Variants in CSMD1 observed in about 807,000 individuals in gnomAD.
CSMD1 encodes the protein CUB and Sushi multiple domains 1.
A neutral mutation model predicts 417.5 loss-of-function variants in CSMD1; 213 were observed. That is an observed-to-expected ratio of 0.51 (90% CI 0.46 to 0.57). CSMD1 has a LOEUF of 0.57. CSMD1 is among the 20% of genes least tolerant of loss of function. CSMD1 has a pLI of 0.00. For missense variants in CSMD1, 6,923 were observed against 4,529.7 expected (o/e 1.53, Z -15.17); for synonymous variants, 2,862 against 1,736.8 (o/e 1.65, Z -16.11).
Position 4,718,674 on chromosome 8 carries a change from C to G in CSMD1, c.86-81116G>C, listed in dbSNP as rs546215598. ...CAATTTTTAAAAAATCTATTTTAAA[C>G]TAAGAAAGAATTCAATAGGTGACAG... On this transcript the variant is annotated intron_variant, in intron 1 of 69. Coordinates refer to ENST00000635120, the MANE Select transcript of CSMD1 (RefSeq NM_033225.6). Among the ~76,000 whole-genome samples the G allele has an allele frequency of 4.6e-5, 7 of 151,860 alleles. No homozygotes were observed. In the South Asian group the frequency reaches 1.5e-3, roughly 32 times the overall value.
chr8:3,503,131 A>C, intron 10 of CSMD1, among the ~76,000 whole-genome samples: 1 of 152,228 alleles, frequency 6.6e-6, no homozygotes, highest in Non-Finnish European at 1.5e-5. Context: ...AGCCCACAGT[A>C]TACAGTGTGA....
intron 26 of CSMD1, among the ~76,000 whole-genome samples, chr8:3,252,336 T>C (rs556196781): frequency 2.0e-5 from 3 of 152,346 alleles, no homozygotes; most frequent in East Asian, 3.9e-4. Context: ...GTTTTTGTCT[T>C]TGGTTCTGTT....
intron 3 of CSMD1, among the ~76,000 whole-genome samples, chr8:4,102,574 G>T (rs558570106): frequency 1.8e-4 from 27 of 152,192 alleles, no homozygotes; most frequent in African/African-American, 6.5e-4. Flanking sequence ...TGACTCCCAG[G>T]CTGAAATAAT....
intron 3 of CSMD1, among the ~76,000 whole-genome samples, chr8:4,049,177 T>A (rs894411506): frequency 6.6e-6 from 1 of 152,032 alleles, no homozygotes; most frequent in Non-Finnish European, 1.5e-5. Context: ...CATCAAAGAG[T>A]CTATCTTAGG....
Position 4,513,106 on chromosome 8 carries a change from A to G in CSMD1, c.303-93041T>C, listed in dbSNP as rs138623781. On this transcript the variant is annotated intron_variant, in intron 2 of 69. Transcript: ENST00000635120. ...ATTGAACTTTTGTCCAAACCCATAA[A>G]ATTGACAACAGCAAGAGTGCGCTCC... Among the ~76,000 whole-genome samples, 108 of 152,318 alleles carry G rather than the reference A, an allele frequency of 7.1e-4. 1 individual carries two copies. The East Asian group carries it at 0.019, about 27-fold the overall frequency.
At chr8:4,187,191 G>C (rs1349521618) in intron 3 of CSMD1, among the ~76,000 whole-genome samples, 2 of 152,066 alleles carry the variant, frequency 1.3e-5, no homozygotes, top group East Asian at 3.9e-4. Context: ...AAACAATCTG[G>C]GACATTGTTG....
intron 1 of CSMD1, among the ~76,000 whole-genome samples, chr8:4,699,467 C>A (rs1807370054): frequency 6.6e-6 from 1 of 152,094 alleles, no homozygotes; most frequent in Non-Finnish European, 1.5e-5. Flanking sequence ...TAAAGTTTTC[C>A]CCAAATCCAT....
chr8:3,164,353 G>T (rs962339678), intron 37 of CSMD1, among the ~76,000 whole-genome samples: 3 of 152,122 alleles, frequency 2.0e-5, no homozygotes, highest in Non-Finnish European at 4.4e-5. Context: ...AGTACCATAA[G>T]CATTAAGCAG....
chr8:3,334,059 G>GGGAGGTGAA (rs1374666094), intron 23 of CSMD1, among the ~76,000 whole-genome samples: 1 of 152,192 alleles, frequency 6.6e-6, no homozygotes, highest in Non-Finnish European at 1.5e-5. Context: ...CTCATAGCCA[G>GGGAGGTGAA]GGAGGTGAAG....
intron 20 of CSMD1, among the ~76,000 whole-genome samples, 164 bp from the exon 21 acceptor site, chr8:3,359,504 A>G (rs774844217): frequency 2.0e-5 from 3 of 149,304 alleles, no homozygotes; most frequent in South Asian, 2.1e-4. Context: ...TTCTTGTACT[A>G]TGAACTGTCT....
At chr8:4,905,355 G>C (rs1000357238) in intron 1 of CSMD1, among the ~76,000 whole-genome samples, 115 of 150,806 alleles carry the variant, frequency 7.6e-4, no homozygotes, top group Non-Finnish European at 2.2e-4. Context: ...CTTCTCATTA[G>C]ACTCTTAGAT....
intron 1 of CSMD1, among the ~76,000 whole-genome samples, chr8:4,732,638 A>C (rs559310290): frequency 6.6e-6 from 1 of 152,252 alleles, no homozygotes; most frequent in Admixed American, 6.5e-5. Flanking sequence ...GGCCCCTGGG[A>C]ATCGTGAGCT....
chr8:3,860,498 C>CT (rs1804625998), intron 5 of CSMD1, among the ~76,000 whole-genome samples: 1 of 151,930 alleles, frequency 6.6e-6, no homozygotes, highest in Admixed American at 6.6e-5. Context: ...CTTGAAGTTC[C>CT]TTTATGCAAG....
intron 2 of CSMD1, among the ~76,000 whole-genome samples, chr8:4,628,008 C>T (rs1802223474): frequency 1.3e-5 from 2 of 151,612 alleles, no homozygotes. Flanking sequence ...AAAAAAATGT[C>T]TCTAGATACT....
intron 3 of CSMD1, among the ~76,000 whole-genome samples, chr8:4,312,051 C>CT (rs1424112977): frequency 2.9e-4 from 44 of 152,172 alleles, no homozygotes; most frequent in African/African-American, 9.9e-4. Context: ...ATTGTCATTT[C>CT]TAGCTAGTAA....
intron 2 of CSMD1, among the ~76,000 whole-genome samples, chr8:4,582,897 G>C (rs914282937): frequency 1.2e-4 from 18 of 152,224 alleles, no homozygotes; most frequent in South Asian, 2.1e-4. Flanking sequence ...GGGTGGGCGT[G>C]GGCTTGGCTG....
intron 5 of CSMD1, among the ~76,000 whole-genome samples, chr8:3,888,153 C>T (rs575432820): frequency 1.3e-5 from 2 of 152,262 alleles, no homozygotes; most frequent in African/African-American, 4.8e-5. Context: ...CATTTGTATG[C>T]AATGTTCGTC....
At chr8:3,491,999 G>C (rs550764507) in intron 11 of CSMD1, among the ~76,000 whole-genome samples, 30 of 152,300 alleles carry the variant, frequency 2.0e-4, no homozygotes, top group Admixed American at 1.1e-3. Flanking sequence ...CAAGCTCTTT[G>C]TTCTCAGGGC....
intron 68 of CSMD1, among the ~76,000 whole-genome samples, chr8:2,943,574 T>C (rs2128914404): frequency 6.6e-6 from 1 of 152,332 alleles, no homozygotes; most frequent in East Asian, 1.9e-4. Flanking sequence ...ATGTGAATAC[T>C]TCAAGTATCA....
Sources: gnomAD v4.1 joint callset for allele counts (sites outside exome capture counted in the v4.1 genomes callset) on GRCh38, gnomAD v4.1.1 for gene constraint, MANE v1.5 for transcripts, NCBI Gene and HGNC (gene_info 2026-07-23, HGNC 2026-07-21) for gene names.